EPM2A: variants seen among roughly 807,000 people sequenced by gnomAD.
The protein encoded by EPM2A is EPM2A glucan phosphatase, laforin, also known as laforin.
EPM2A carries 21 observed loss-of-function variants against 26.5 expected under a neutral mutation model. The observed-to-expected ratio is 0.79, with a 90% CI of 0.56 to 1.14. The LOEUF is 1.14. EPM2A is among the 50% of genes most tolerant of loss of function. EPM2A has a pLI of 0.00. For missense variants in EPM2A, 458 were observed against 440.8 expected (o/e 1.04, Z -0.35); for synonymous variants, 217 against 177.6 (o/e 1.22, Z -1.76).
Position 145,627,635 on chromosome 6 carries a change from T to A in EPM2A, c.777A>T (p.Gly259=), listed in dbSNP as rs1195597944. The A allele has an allele frequency of 1.2e-6, 2 of 1,614,016 alleles. No individual in the cohort carries two copies. Among genetic ancestry groups the A allele is most frequent in the African/African-American group, 2.7e-5 (2 of 74,918 alleles). The change falls in exon 4 of 4, where the codon GGA becomes GGT. Residue 259 remains glycine, a synonymous_variant. Transcript: ENST00000367519. ...CGTTGCAGTGCACGTACACGATGTG[T>A]CCCTTCTCCAGCAGCGCATGCAGCA... The part of the protein sequence containing the change: ...VCLLHALLEK[G]HIVYVHCNAG...
intron 4 of EPM2A, among the ~76,000 whole-genome samples, chr6:145,485,553 C>T (rs1779660753): frequency 6.6e-6 from 1 of 152,062 alleles, no homozygotes; most frequent in Non-Finnish European, 1.5e-5. Context: ...GTTGAAAATA[C>T]CTACAGAAGA....
chr6:145,552,155 A>T (rs1780664236), intron 2 of EPM2A, among the ~76,000 whole-genome samples: 1 of 151,968 alleles, frequency 6.6e-6, no homozygotes. Flanking sequence ...ATATTCAGAA[A>T]AAGATGCTTA....
chr6:145,395,673 T>A (rs1406099916), intron 4 of EPM2A, among the ~76,000 whole-genome samples: 1 of 152,066 alleles, frequency 6.6e-6, no homozygotes, highest in Admixed American at 6.6e-5. Context: ...CACTGTAACC[T>A]CCTTAACCCC....
intron 4 of EPM2A, among the ~76,000 whole-genome samples, chr6:145,441,000 A>G (rs1779055279): frequency 6.6e-6 from 1 of 152,214 alleles, no homozygotes; most frequent in South Asian, 2.1e-4. Context: ...GGGACTCTGT[A>G]TGGTGACTCC....
intron 2 of EPM2A, among the ~76,000 whole-genome samples, chr6:145,649,246 G>A (rs1479825034): frequency 6.6e-6 from 1 of 152,108 alleles, no homozygotes; most frequent in African/African-American, 2.4e-5. Flanking sequence ...TTGAATCCTG[G>A]CTCCACTAAG....
intron 2 of EPM2A, chr6:145,671,193 GT>G: frequency 9.9e-7 from 1 of 1,007,128 alleles, no homozygotes; most frequent in South Asian, 3.7e-5. Flanking sequence ...TGCGAGCAAA[GT>G]AAAAAAAAAA....
chr6:145,544,677 C>T (rs1207978104), intron 2 of EPM2A, among the ~76,000 whole-genome samples: 1 of 152,090 alleles, frequency 6.6e-6, no homozygotes, highest in Non-Finnish European at 1.5e-5. Context: ...CTGTGGCAAC[C>T]TTGAAGCCAT....
At chr6:145,408,825 G>C (rs1371820209) in intron 4 of EPM2A, among the ~76,000 whole-genome samples, 1 of 152,082 alleles carries the variant, frequency 6.6e-6, no homozygotes, top group African/African-American at 2.4e-5. Flanking sequence ...AGGGCTCTCT[G>C]CTTCCTAGAT....
chr6:145,585,141 TTTATCACTGATTTCTTA>T (rs1781175141), intron 2 of EPM2A, among the ~76,000 whole-genome samples: 2 of 152,212 alleles, frequency 1.3e-5, no homozygotes, highest in South Asian at 2.1e-4. Context: ...GATTTTTTTC[TTTATCACTGATTTCTTA>T]TTATCACTGA....
intron 4 of EPM2A, among the ~76,000 whole-genome samples, chr6:145,452,388 T>C (rs998471722): frequency 1.3e-5 from 2 of 150,344 alleles, no homozygotes; most frequent in African/African-American, 4.9e-5. Context: ...GTTGTTTCTC[T>C]ATCAGTAGAG....
chr6:145,527,403 A>T (rs1456743918), intron 2 of EPM2A, among the ~76,000 whole-genome samples: 1 of 152,080 alleles, frequency 6.6e-6, no homozygotes, highest in Admixed American at 6.6e-5. Context: ...GCCCCCCTCT[A>T]TTATTGTGTG....
In EPM2A at chr6:145,727,568, C is replaced by T. The variant is rs1270670478; in HGVS notation, c.301+7630G>A. 2.0e-5 allele frequency among the ~76,000 whole-genome samples: 3 copies of T among 151,842 alleles called. No homozygotes were observed. The East Asian group carries it at 5.8e-4, about 29-fold the overall frequency. ...ATTCATTCAACCAATATTTACTGAG[C>T]AGCTACTATGTATCAACTACAATTG... On this transcript the variant is annotated intron_variant, in intron 1 of 3. Coordinates refer to ENST00000367519, the MANE Select transcript of EPM2A (RefSeq NM_005670.4).
intron 4 of EPM2A, among the ~76,000 whole-genome samples, chr6:145,408,443 TTTTCC>T (rs1390202039): frequency 1.2e-4 from 19 of 152,160 alleles, no homozygotes. Flanking sequence ...GTTGGTTGTG[TTTTCC>T]ACCAAAAACC....
chr6:145,606,123 AT>A (rs2128551056), intron 2 of EPM2A, among the ~76,000 whole-genome samples: 1 of 152,240 alleles, frequency 6.6e-6, no homozygotes, highest in South Asian at 2.1e-4. Context: ...TGAAAACGAA[AT>A]TTATAAACAA....
chr6:145,649,805 G>A (rs1429842887), intron 2 of EPM2A, among the ~76,000 whole-genome samples: 2 of 152,180 alleles, frequency 1.3e-5, no homozygotes, highest in African/African-American at 4.8e-5. Context: ...AGTTGCAACA[G>A]AAATCATTTA....
intron 4 of EPM2A, among the ~76,000 whole-genome samples, chr6:145,464,719 A>G (rs540438423): frequency 1.2e-4 from 18 of 152,060 alleles, no homozygotes; most frequent in Admixed American, 3.9e-4. Flanking sequence ...TTTATTTATC[A>G]TAATTTTATC....
chr6:145,677,021 G>A (rs79122546), intron 2 of EPM2A, among the ~76,000 whole-genome samples: 2 of 152,248 alleles, frequency 1.3e-5, no homozygotes, highest in Non-Finnish European at 2.9e-5. Context: ...GAACATCGAT[G>A]CAAAAATCCT....
At chr6:145,706,549 A>G (rs570458545) in intron 1 of EPM2A, among the ~76,000 whole-genome samples, 2 of 152,296 alleles carry the variant, frequency 1.3e-5, no homozygotes, top group South Asian at 4.1e-4. Context: ...AAGCCTTTAT[A>G]CTAAATCCAA....
At chr6:145,679,013 A>G (rs990031680) in intron 2 of EPM2A, among the ~76,000 whole-genome samples, 1 of 152,192 alleles carries the variant, frequency 6.6e-6, no homozygotes, top group Non-Finnish European at 1.5e-5. Flanking sequence ...ATGTCCATCA[A>G]TGATAGACTG....
Sources: gnomAD v4.1 joint callset for allele counts (sites outside exome capture counted in the v4.1 genomes callset) on GRCh38, gnomAD v4.1.1 for gene constraint, MANE v1.5 for transcripts, NCBI Gene and HGNC (gene_info 2026-07-23, HGNC 2026-07-21) for gene names.